The following KATNAL2 variants were observed in gnomAD, a reference collection of about 807,000 sequenced individuals.
KATNAL2 encodes katanin catalytic subunit A1 like 2, also known as katanin p60 ATPase-containing subunit A-like 2.
In KATNAL2, 52 loss-of-function variants were observed where a neutral mutation model predicts 76.3. The ratio of observed to expected loss-of-function variants is 0.68; its 90% CI spans 0.55 to 0.86. The LOEUF (loss-of-function observed/expected upper bound fraction) is 0.86. KATNAL2 is among the 40% of genes least tolerant of loss of function. The probability of loss-of-function intolerance (pLI) is 0.00; values close to 1 mark genes in which losing one functional copy is unlikely to be tolerated. For synonymous variants in KATNAL2, 243 were observed against 244.2 expected (o/e 1.00, Z 0.05); for missense variants, 660 against 668.9 (o/e 0.99, Z 0.15).
Position 47,059,139 on chromosome 18 carries a change from A to T in KATNAL2, c.451-417A>T, listed in dbSNP as rs532000814. Among the ~76,000 whole-genome samples, 9 of 152,340 alleles carry T rather than the reference A, an allele frequency of 5.9e-5. No homozygotes were observed. The East Asian group carries it at 1.7e-3, about 29-fold the overall frequency. ...GGTTCTGGCCGCTGCAGCCTGACTC[A>T]TGTGGAAGAGAGGTGAAGGTGGGGC... On this transcript the variant is annotated intron_variant, in intron 7 of 17. Transcript: ENST00000683218.
chr18:46,948,087 T>A (rs1031388910), intron 3 of KATNAL2, among the ~76,000 whole-genome samples: 2 of 152,150 alleles, frequency 1.3e-5, no homozygotes, highest in Admixed American at 1.3e-4. Context: ...CTCATATATT[T>A]TCATGACTTC....
rs146061118 is a variant in KATNAL2, at chr18:47,077,544, G to A, written c.1211+83G>A. On this transcript the variant is annotated intron_variant, in intron 15 of 17. Transcript: ENST00000683218. Reference sequence around the variant, plus strand: ...AAAAATTTTATATTGACCACTTCAGGCAAAGCTGTGTTGTTTGGCTGCAGC... The same window carrying A: ...AAAAATTTTATATTGACCACTTCAGACAAAGCTGTGTTGTTTGGCTGCAGC... The A allele has an allele frequency of 1.4e-4, 130 of 915,482 alleles. 1 individual carries two copies. In the African/African-American group the frequency reaches 1.9e-3, roughly 13 times the overall value. 56.7% of individuals were successfully genotyped at this position (915,482 alleles called of 1,614,324 possible). A position where few individuals can be genotyped will look rare whatever the true frequency, so the allele number is the denominator to read the frequency against.
intron 3 of KATNAL2, among the ~76,000 whole-genome samples, chr18:46,960,646 G>C (rs531719896): frequency 1.3e-5 from 2 of 152,260 alleles, no homozygotes; most frequent in East Asian, 3.9e-4. Context: ...AGAGACATTT[G>C]CATTATGACT....
chr18:46,937,951 C>G (rs2059140724), intron 1 of KATNAL2, among the ~76,000 whole-genome samples: 1 of 152,032 alleles, frequency 6.6e-6, no homozygotes, highest in Non-Finnish European at 1.5e-5. Context: ...CAAAAATTAG[C>G]TGTGCATGGT....
At chr18:47,060,420 G>A (rs1396610622) in intron 8 of KATNAL2, among the ~76,000 whole-genome samples, 3 of 151,968 alleles carry the variant, frequency 2.0e-5, no homozygotes, top group African/African-American at 7.3e-5. Context: ...GTTGATACAG[G>A]GTTGATTTTG....
At chr18:47,100,755 T>C in intron 17 of KATNAL2, 111 bp from the exon 18 acceptor site, 1 of 1,322,122 alleles carries the variant, frequency 7.6e-7, no homozygotes. Flanking sequence ...GCATTAACAA[T>C]TAAGAATGCT....
chr18:46,936,519 C>T (rs1490415553), intron 1 of KATNAL2, among the ~76,000 whole-genome samples: 2 of 152,058 alleles, frequency 1.3e-5, no homozygotes, highest in African/African-American at 4.8e-5. Context: ...GTGGGGGGAT[C>T]GATTGAGCCC....
intron 15 of KATNAL2, chr18:47,098,123 A>G (rs1433868393): frequency 5.9e-6 from 1 of 170,790 alleles, no homozygotes; most frequent in East Asian, 1.7e-4. Context: ...TGTTGAATCA[A>G]GATGGTATGT....
intron 3 of KATNAL2, chr18:47,034,937 A>T: frequency 1.2e-6 from 2 of 1,611,874 alleles, no homozygotes; most frequent in East Asian, 4.5e-5. Flanking sequence ...GGGAAGCCCC[A>T]GGCCTTTTCC....
chr18:46,952,405 T>TG (rs1327916015), intron 3 of KATNAL2, among the ~76,000 whole-genome samples: 2 of 139,300 alleles, frequency 1.4e-5, no homozygotes, highest in African/African-American at 2.7e-5. Flanking sequence ...TTTTTTTTTT[T>TG]TTTTTTTTTT....
chr18:47,046,676 ATGCCCCTTCC>A (rs2061167621), intron 4 of KATNAL2, 149 bp downstream of exon 4: 3 of 642,292 alleles, frequency 4.7e-6, no homozygotes, highest in Non-Finnish European at 8.1e-6. Flanking sequence ...AGAGTTCTGT[ATGCCCCTTCC>A]CTTTTCCAGT....
chr18:47,067,879 G>A (rs1203560322), intron 11 of KATNAL2, among the ~76,000 whole-genome samples: 1 of 152,130 alleles, frequency 6.6e-6, no homozygotes, highest in East Asian at 1.9e-4. Context: ...TCAATCACAG[G>A]TCTGAGCCAT....
At position 47,077,377 on chromosome 18, in the gene KATNAL2, T is replaced by TGAA; in HGVS notation, c.1130_1132dup (p.Lys377dup). ...GGAGAACATGAAGGAAGCCTGCGGATGAAGACAGAGTTACTGGTGCAGATG... is the reference window on the plus strand; with the variant it reads ...GGAGAACATGAAGGAAGCCTGCGGATGAAGAAGACAGAGTTACTGGTGCAGATG... On this transcript the variant is annotated inframe_insertion, in exon 15 of 18. Coordinates refer to ENST00000683218, the MANE Select transcript of KATNAL2 (RefSeq NM_001387690.1). The TGAA allele has an allele frequency of 6.2e-7, 1 of 1,613,902 alleles. No individual in the cohort carries two copies. The highest frequency in any genetic ancestry group is 8.5e-7 in the Non-Finnish European group (1 of 1,179,812).
At chr18:47,058,862 G>T (rs1475692307) in intron 7 of KATNAL2, among the ~76,000 whole-genome samples, 1 of 152,114 alleles carries the variant, frequency 6.6e-6, no homozygotes, top group Non-Finnish European at 1.5e-5. Flanking sequence ...AGACCTTCAT[G>T]CTGGACTTCC....
intron 3 of KATNAL2, among the ~76,000 whole-genome samples, chr18:46,962,096 G>C (rs928597270): frequency 1.3e-5 from 2 of 152,034 alleles, no homozygotes; most frequent in South Asian, 2.1e-4. Context: ...TCAGCCACTT[G>C]AGCAAATAGG....
In KATNAL2 at chr18:47,082,860, G is replaced by C. The variant is rs550640762; in HGVS notation, c.1211+5399G>C. ...ATGAAAGTATGGTAGAGCCTGCCAA[G>C]TTTCCCCCCGCAGAGGTTGTACCAC... On this transcript the variant is annotated intron_variant, in intron 15 of 17. Transcript: ENST00000683218. Among the ~76,000 whole-genome samples the C allele has an allele frequency of 3.3e-5, 5 of 152,282 alleles. No homozygotes were observed. The South Asian group carries it at 1.0e-3, about 32-fold the overall frequency.
chr18:46,923,137 A>G (rs1395482986), intron 1 of KATNAL2, among the ~76,000 whole-genome samples: 1 of 150,844 alleles, frequency 6.6e-6, no homozygotes, highest in African/African-American at 2.4e-5. Context: ...ATATGTATAC[A>G]TGTGCCATGT....
intron 15 of KATNAL2, among the ~76,000 whole-genome samples, chr18:47,078,095 C>A (rs1234311165): frequency 6.6e-6 from 1 of 152,058 alleles, no homozygotes; most frequent in Non-Finnish European, 1.5e-5. Flanking sequence ...TACATTATTT[C>A]TTTCAAGCTT....
At chr18:47,025,591 A>C (rs1181146504) in intron 3 of KATNAL2, among the ~76,000 whole-genome samples, 1 of 149,144 alleles carries the variant, frequency 6.7e-6, no homozygotes, top group Non-Finnish European at 1.5e-5. Context: ...AGAATCGGGG[A>C]ATGGGGATTC....
Sources: allele counts gnomAD v4.1 joint callset (sites outside exome capture counted in the v4.1 genomes callset), GRCh38; gene constraint gnomAD v4.1.1; transcripts MANE v1.5; gene names NCBI Gene and HGNC (gene_info 2026-07-23, HGNC 2026-07-21).